TMPRSS11F: variants seen among roughly 807,000 people sequenced by gnomAD.
The protein encoded by TMPRSS11F is transmembrane protease serine 11F.
TMPRSS11F carries 47 observed loss-of-function variants against 60.2 expected under a neutral mutation model. That is an observed-to-expected ratio of 0.78 (90% CI 0.62 to 1.00). The LOEUF is 1.00. TMPRSS11F is among the 50% of genes least tolerant of loss of function. The pLI is 0.00. For missense variants in TMPRSS11F, 519 were observed against 522.9 expected, an observed-to-expected ratio of 0.99 and a Z score of 0.07; for synonymous variants, 166 against 167.3, an observed-to-expected ratio of 0.99 and a Z score of 0.06.
At chr4:68,066,431 C>T (rs1723329351) in intron 7 of TMPRSS11F, among the ~76,000 whole-genome samples, 1 of 151,972 alleles carries the variant, frequency 6.6e-6, no homozygotes, top group Non-Finnish European at 1.5e-5. Flanking sequence ...AAATTAAGAC[C>T]CAGAAGTTCG....
intron 8 of TMPRSS11F, 72 bp downstream of exon 8, chr4:68,064,613 T>TATCTTTAAGATATCTTTAAGATA: frequency 6.7e-7 from 1 of 1,498,244 alleles, no homozygotes; most frequent in South Asian, 1.3e-5. Context: ...TTAAGAGGGA[T>TATCTTTAAGATATCTTTAAGATA]TCTTTAAGAT....
chr4:68,085,571 C>T (rs990084881), intron 3 of TMPRSS11F, among the ~76,000 whole-genome samples: 1 of 152,148 alleles, frequency 6.6e-6, no homozygotes, highest in Admixed American at 6.5e-5. Context: ...TATCATATAT[C>T]AACACTAACT....
chr4:68,067,280 TATTGA>T (rs1457952426), intron 7 of TMPRSS11F, among the ~76,000 whole-genome samples: 2 of 152,258 alleles, frequency 1.3e-5, no homozygotes, highest in African/African-American at 2.4e-5. Flanking sequence ...TTCCATTTTC[TATTGA>T]ATCATTCCCA....
chr4:68,085,004 G>A (rs1026336265), intron 3 of TMPRSS11F, among the ~76,000 whole-genome samples: 14 of 131,028 alleles, frequency 1.1e-4, no homozygotes, highest in Admixed American at 1.6e-4. Context: ...TTGTTCTTGC[G>A]ATAGTTTACT....
chr4:68,073,354 C>T (rs532026344), intron 4 of TMPRSS11F, among the ~76,000 whole-genome samples: 20 of 151,450 alleles, frequency 1.3e-4, no homozygotes, highest in African/African-American at 4.8e-4. Flanking sequence ...GTTAAAAAGC[C>T]TCAAGAAATC....
rs540737887 is a variant in TMPRSS11F at position 68,066,900 on chromosome 4, C to T, written c.755+1718G>A. ...AGTGAGCTGAGATAGTGCCACTGCACTCTGGCCTGGGCAAAAGAGCGAGAC... is the reference window on the plus strand; with the variant it reads ...AGTGAGCTGAGATAGTGCCACTGCATTCTGGCCTGGGCAAAAGAGCGAGAC... On this transcript the variant is annotated intron_variant, in intron 7 of 9. Transcript: ENST00000356291. Among the ~76,000 whole-genome samples, 7 of 148,560 alleles carry T rather than the reference C, an allele frequency of 4.7e-5. 2 individuals carry two copies. Among genetic ancestry groups the T allele is most frequent in the African/African-American group, 1.7e-4 (7 of 40,012 alleles).
At chr4:68,123,549 C>G (rs1724661602) in intron 1 of TMPRSS11F, among the ~76,000 whole-genome samples, 1 of 152,176 alleles carries the variant, frequency 6.6e-6, no homozygotes, top group African/African-American at 2.4e-5. Context: ...ATAAATTGAT[C>G]TTTCCTTTAC....
At chr4:68,074,284 A>G (rs538564608) in intron 3 of TMPRSS11F, among the ~76,000 whole-genome samples, 1 of 152,366 alleles carries the variant, frequency 6.6e-6, no homozygotes, top group Admixed American at 6.5e-5. Context: ...GTAAAATGGG[A>G]TAACAACAAT....
intron 7 of TMPRSS11F, 64 bp downstream of exon 7, chr4:68,068,554 G>A: frequency 1.0e-5 from 14 of 1,393,718 alleles, no homozygotes; most frequent in Non-Finnish European, 1.4e-5. Context: ...CTCTTCTGAT[G>A]CGCTAAATCA....
chr4:68,056,041 C>T (rs533995182), intron 9 of TMPRSS11F, among the ~76,000 whole-genome samples: 1 of 152,104 alleles, frequency 6.6e-6, no homozygotes, highest in South Asian at 2.1e-4. Context: ...GTATGTCAAA[C>T]ACAATAAAAG....
chr4:68,090,760 A>G, intron 2 of TMPRSS11F, 119 bp from the exon 3 acceptor site: 1 of 1,442,660 alleles, frequency 6.9e-7, no homozygotes, highest in African/African-American at 1.5e-5. Context: ...TACTTAGTGT[A>G]AAAATTCTTG....
chr4:68,095,913 A>AAAT (rs1437288256), intron 2 of TMPRSS11F, among the ~76,000 whole-genome samples: 1 of 151,590 alleles, frequency 6.6e-6, no homozygotes, highest in Non-Finnish European at 1.5e-5. Context: ...AAAAAAAAAA[A>AAAT]AAAGCATATG....
Position 68,058,008 on chromosome 4 carries a change from TA to T in TMPRSS11F, c.1158+1317del, listed in dbSNP as rs1269444561. Among the ~76,000 whole-genome samples, 3 of 152,132 alleles carry T rather than the reference TA, an allele frequency of 2.0e-5. No individual in the cohort carries two copies. In the East Asian group the frequency reaches 5.8e-4, roughly 29 times the overall value. ...CATCATTTTACCTATATGTGCAATC[TA>T]AAAAAGTTGGATTCATAGAAGTAGA... is the stretch of plus-strand genomic sequence containing the variant. On this transcript the variant is annotated intron_variant, in intron 9 of 9. Coordinates refer to ENST00000356291, the MANE Select transcript of TMPRSS11F (RefSeq NM_207407.2).
chr4:68,098,824 G>A (rs1397513406), intron 2 of TMPRSS11F, 63 bp downstream of exon 2: 1 of 1,451,726 alleles, frequency 6.9e-7, no homozygotes, highest in African/African-American at 1.4e-5. Context: ...TTATACAACA[G>A]AAAATTTCAA....
intron 1 of TMPRSS11F, among the ~76,000 whole-genome samples, chr4:68,099,248 T>G: frequency 6.6e-6 from 1 of 152,214 alleles, no homozygotes; most frequent in East Asian, 1.9e-4. Flanking sequence ...TCTGCTGATG[T>G]TGACATTCAA....
chr4:68,107,645 C>T (rs1724329667), intron 1 of TMPRSS11F, among the ~76,000 whole-genome samples: 1 of 152,064 alleles, frequency 6.6e-6, no homozygotes, highest in Non-Finnish European at 1.5e-5. Flanking sequence ...CATTATAGAC[C>T]ACATCATAAT....
intron 3 of TMPRSS11F, among the ~76,000 whole-genome samples, chr4:68,088,454 A>T (rs1723859971): frequency 6.6e-6 from 1 of 151,414 alleles, no homozygotes; most frequent in Admixed American, 6.6e-5. Flanking sequence ...GGAGACTTTA[A>T]CACCCCACTG....
chr4:68,112,723 T>A (rs1029269966), intron 1 of TMPRSS11F, among the ~76,000 whole-genome samples: 2 of 152,174 alleles, frequency 1.3e-5, no homozygotes, highest in African/African-American at 2.4e-5. Context: ...CTCCAGTGTC[T>A]AGCACAGTAC....
chr4:68,118,334 G>C (rs975793829), intron 1 of TMPRSS11F, among the ~76,000 whole-genome samples: 1 of 151,960 alleles, frequency 6.6e-6, no homozygotes, highest in African/African-American at 2.4e-5. Flanking sequence ...AATATGGAAG[G>C]CTTTTTATGT....
Sources: gnomAD v4.1 joint callset for allele counts (sites outside exome capture counted in the v4.1 genomes callset) on GRCh38, gnomAD v4.1.1 for gene constraint, MANE v1.5 for transcripts, NCBI Gene and HGNC (gene_info 2026-07-23, HGNC 2026-07-21) for gene names.